OCA2: variants seen among roughly 807,000 people sequenced by gnomAD.
OCA2 encodes the protein OCA2 melanosomal transmembrane protein.
OCA2 carries 77 observed loss-of-function variants against 100.2 expected under a neutral mutation model. The observed-to-expected ratio is 0.77, with a 90% CI of 0.64 to 0.93. The LOEUF (loss-of-function observed/expected upper bound fraction) is 0.93, where lower values mean the gene tolerates loss of function less well. Among genes scored for constraint, OCA2 ranks in the 40% least tolerant of loss-of-function variants. OCA2 has a pLI of 0.00. For missense variants in OCA2, 1,062 were observed against 1,089.1 expected (o/e 0.98, Z 0.35); for synonymous variants, 432 against 439.2 (o/e 0.98, Z 0.21).
intron 23 of OCA2, among the ~76,000 whole-genome samples, chr15:27,782,514 A>G (rs1030904172): frequency 3.9e-5 from 6 of 152,188 alleles, no homozygotes; most frequent in African/African-American, 1.4e-4. Flanking sequence ...TCTAAGAATA[A>G]CATTCTTTGA....
chr15:27,850,687 A>G (rs936229998), intron 22 of OCA2, among the ~76,000 whole-genome samples: 1 of 152,240 alleles, frequency 6.6e-6, no homozygotes, highest in Non-Finnish European at 1.5e-5. Context: ...GAAATCAATC[A>G]AAGAACAAAG....
At chr15:27,844,922 C>A in intron 23 of OCA2, 37 bp downstream of exon 23, 1 of 1,384,252 alleles carries the variant, frequency 7.2e-7, no homozygotes, top group Non-Finnish European at 1.0e-6. Flanking sequence ...AGGAACTAGA[C>A]AGTTTAACAG....
chr15:27,877,642 G>A (rs1453901822), intron 19 of OCA2, among the ~76,000 whole-genome samples: 1 of 151,840 alleles, frequency 6.6e-6, no homozygotes, highest in Non-Finnish European at 1.5e-5. Context: ...TTACCTGCAT[G>A]CTATGTATTT....
intron 19 of OCA2, among the ~76,000 whole-genome samples, chr15:27,924,042 T>A (rs901227693): frequency 2.0e-5 from 3 of 152,188 alleles, no homozygotes; most frequent in Admixed American, 1.3e-4. Flanking sequence ...GTATATGGTA[T>A]AAGGAAGGGG....
intron 19 of OCA2, among the ~76,000 whole-genome samples, chr15:27,898,039 A>G (rs556696596): frequency 4.6e-5 from 7 of 152,252 alleles, no homozygotes; most frequent in Non-Finnish European, 8.8e-5. Context: ...GAATGGCTGT[A>G]TTTACCAAAT....
intron 21 of OCA2, among the ~76,000 whole-genome samples, chr15:27,859,830 G>T (rs532154905): frequency 1.3e-5 from 2 of 152,028 alleles, no homozygotes; most frequent in Non-Finnish European, 2.9e-5. Flanking sequence ...ACATGACATC[G>T]ATGGAAAGAC....
intron 9 of OCA2, among the ~76,000 whole-genome samples, chr15:28,000,569 A>G (rs945258849): frequency 3.1e-4 from 47 of 152,336 alleles, no homozygotes; most frequent in African/African-American, 1.1e-3. Context: ...TTTTTTGGAT[A>G]TAACACTAAA....
At chr15:27,991,698 A>G (rs1377605230) in intron 9 of OCA2, among the ~76,000 whole-genome samples, 2 of 152,196 alleles carry the variant, frequency 1.3e-5, no homozygotes, top group East Asian at 3.9e-4. Context: ...GGGTGAAATT[A>G]ATGGTATTTA....
chr15:27,986,271 T>G (rs1222926234), intron 12 of OCA2, among the ~76,000 whole-genome samples: 1 of 152,228 alleles, frequency 6.6e-6, no homozygotes, highest in Non-Finnish European at 1.5e-5. Flanking sequence ...CTTGAAATAT[T>G]GGGATACTCT....
At chr15:27,771,091 C>T (rs537442592) in intron 23 of OCA2, among the ~76,000 whole-genome samples, 1 of 80,844 alleles carries the variant, frequency 1.2e-5, no homozygotes, top group African/African-American at 3.3e-5. Context: ...TCCCTCTTTT[C>T]TCCCTCCATT....
chr15:28,095,852 T>TC (rs1296384400), intron 1 of OCA2, among the ~76,000 whole-genome samples: 1 of 152,226 alleles, frequency 6.6e-6, no homozygotes, highest in Non-Finnish European at 1.5e-5. Context: ...TGCAGCCAAC[T>TC]CCCCTCTGGT....
At chr15:27,803,403 A>G (rs1351605656) in intron 23 of OCA2, among the ~76,000 whole-genome samples, 1 of 152,250 alleles carries the variant, frequency 6.6e-6, no homozygotes. Context: ...CTTAAAAAGA[A>G]AGAAAATTCT....
intron 18 of OCA2, among the ~76,000 whole-genome samples, chr15:27,947,096 G>C (rs956918390): frequency 3.3e-5 from 5 of 152,198 alleles, no homozygotes; most frequent in African/African-American, 1.2e-4. Flanking sequence ...CTGAACCTAA[G>C]CTTTAACATG....
At chr15:27,722,810 C>CG in the OCA2 span, among the ~76,000 whole-genome samples, 2 of 140,348 alleles carry the variant, frequency 1.4e-5, no homozygotes, top group African/African-American at 5.2e-5. Flanking sequence ...CTTTCTCTCT[C>CG]TCTTTCTCTC....
At chr15:27,947,326 C>T (rs1169890377) in intron 18 of OCA2, among the ~76,000 whole-genome samples, 1 of 152,242 alleles carries the variant, frequency 6.6e-6, no homozygotes, top group African/African-American at 2.4e-5. Context: ...AGAGCCAGCG[C>T]CCAGGCTGGG....
intron 14 of OCA2, among the ~76,000 whole-genome samples, chr15:27,970,795 G>A (rs977133682): frequency 9.2e-5 from 14 of 152,042 alleles, no homozygotes; most frequent in Non-Finnish European, 1.8e-4. Context: ...GGCAGGGAAA[G>A]CCTGAAGAAT....
chr15:27,827,826 G>C (rs1010968656), intron 23 of OCA2, among the ~76,000 whole-genome samples: 5 of 151,976 alleles, frequency 3.3e-5, no homozygotes, highest in Non-Finnish European at 2.9e-5. Flanking sequence ...ATGTAAATTC[G>C]AATTTCTGAA....
intron 23 of OCA2, among the ~76,000 whole-genome samples, chr15:27,784,270 G>C (rs2151099341): frequency 6.6e-6 from 1 of 152,266 alleles, no homozygotes; most frequent in Admixed American, 6.5e-5. Flanking sequence ...CTGAACACAA[G>C]GTACCACGAG....
intron 23 of OCA2, among the ~76,000 whole-genome samples, chr15:27,770,247 G>A (rs1429969451): frequency 1.3e-5 from 2 of 152,194 alleles, no homozygotes; most frequent in Admixed American, 6.5e-5. Flanking sequence ...CGGGGGCTCC[G>A]CGGGGTCCGC....
Sources: gnomAD v4.1 joint callset for allele counts (sites outside exome capture counted in the v4.1 genomes callset) on GRCh38, gnomAD v4.1.1 for gene constraint, MANE v1.5 for transcripts, NCBI Gene and HGNC (gene_info 2026-07-23, HGNC 2026-07-21) for gene names.